MAPK10: variants seen among roughly 807,000 people sequenced by gnomAD.
MAPK10 encodes the protein JNK3 alpha protein kinase.
MAPK10 carries 25 observed loss-of-function variants against 59.3 expected under a neutral mutation model. The ratio of observed to expected loss-of-function variants is 0.42; its 90% CI spans 0.31 to 0.59. The LOEUF (loss-of-function observed/expected upper bound fraction) is 0.59. MAPK10 is among the 20% of genes least tolerant of loss of function. The pLI, the probability that MAPK10 is intolerant of heterozygous loss-of-function variation, is 0.15. For synonymous variants in MAPK10, 190 were observed against 200.5 expected, an observed-to-expected ratio of 0.95 and a Z score of 0.44; for missense variants, 351 against 568.9, an observed-to-expected ratio of 0.62 and a Z score of 3.90.
At chr4:86,088,916 A>G (rs749635450) in intron 9 of MAPK10, among the ~76,000 whole-genome samples, 3 of 152,190 alleles carry the variant, frequency 2.0e-5, no homozygotes, top group African/African-American at 4.8e-5. Flanking sequence ...TCTACAACAA[A>G]AACAAGAAAG....
At chr4:86,583,082 A>T (rs977296066) in intron 1 of MAPK10, among the ~76,000 whole-genome samples, 3 of 152,188 alleles carry the variant, frequency 2.0e-5, no homozygotes, top group Non-Finnish European at 4.4e-5. Context: ...CCCAGTGAAC[A>T]CTAACTCTGT....
intron 4 of MAPK10, among the ~76,000 whole-genome samples, chr4:86,114,420 G>A (rs1240567428): frequency 6.6e-6 from 1 of 152,134 alleles, no homozygotes; most frequent in African/African-American, 2.4e-5. Context: ...TTGTTTAACA[G>A]TATGGCCCAA....
At chr4:86,181,621 G>A (rs1359941656) in intron 3 of MAPK10, among the ~76,000 whole-genome samples, 2 of 152,058 alleles carry the variant, frequency 1.3e-5, no homozygotes, top group Non-Finnish European at 1.5e-5. Context: ...TTTCTACTTA[G>A]GAAATGGTGT....
intron 11 of MAPK10, among the ~76,000 whole-genome samples, chr4:86,046,867 G>A (rs1193468978): frequency 6.6e-6 from 1 of 151,914 alleles, no homozygotes; most frequent in Non-Finnish European, 1.5e-5. Context: ...AGGTAGTTGG[G>A]ATACAGCAGT....
chr4:86,037,668 A>G (rs1158105725), intron 11 of MAPK10, among the ~76,000 whole-genome samples: 1 of 152,210 alleles, frequency 6.6e-6, no homozygotes, highest in Non-Finnish European at 1.5e-5. Context: ...CTTTTTCAAC[A>G]GCATTATAGG....
intron 2 of MAPK10, among the ~76,000 whole-genome samples, chr4:86,286,680 C>T (rs767192218): frequency 2.6e-5 from 4 of 152,134 alleles, no homozygotes; most frequent in Non-Finnish European, 5.9e-5. Flanking sequence ...CTCCAGAGCT[C>T]CTGCCTTTAA....
At chr4:86,543,060 G>A (rs7665384) in intron 1 of MAPK10, among the ~76,000 whole-genome samples, 26 of 152,134 alleles carry the variant, frequency 1.7e-4, no homozygotes, top group African/African-American at 5.6e-4. Flanking sequence ...ACCAGTGAAA[G>A]GCAAATTTAC....
chr4:86,201,645 C>T (rs2082646896), intron 2 of MAPK10, among the ~76,000 whole-genome samples: 1 of 151,792 alleles, frequency 6.6e-6, no homozygotes, highest in Non-Finnish European at 1.5e-5. Flanking sequence ...CTTCAGCTCG[C>T]ATATTCAGCT....
At chr4:86,442,904 G>T (rs1338726637) in intron 1 of MAPK10, among the ~76,000 whole-genome samples, 1 of 152,106 alleles carries the variant, frequency 6.6e-6, no homozygotes, top group Non-Finnish European at 1.5e-5. Context: ...GAGCTTAGAA[G>T]TCAAAAACAC....
chr4:86,329,271 T>C (rs2096094915), intron 2 of MAPK10, among the ~76,000 whole-genome samples: 1 of 152,252 alleles, frequency 6.6e-6, no homozygotes, highest in South Asian at 2.1e-4. Flanking sequence ...GTACGAAATG[T>C]TGTAAACTCT....
At chr4:86,227,485 T>TTA (rs2090846123) in intron 2 of MAPK10, among the ~76,000 whole-genome samples, 1 of 114,192 alleles carries the variant, frequency 8.8e-6, no homozygotes, top group Non-Finnish European at 1.8e-5. Flanking sequence ...AGACTCCCTC[T>TTA]AAAAAAAAAA....
intron 4 of MAPK10, among the ~76,000 whole-genome samples, chr4:86,113,406 C>A (rs2057827099): frequency 6.6e-6 from 1 of 152,054 alleles, no homozygotes; most frequent in African/African-American, 2.4e-5. Flanking sequence ...CTAAGGCAGC[C>A]CTGGTGGTGA....
At chr4:86,371,567 G>A (rs1210444816) in intron 1 of MAPK10, among the ~76,000 whole-genome samples, 7 of 152,172 alleles carry the variant, frequency 4.6e-5, no homozygotes, top group Non-Finnish European at 8.8e-5. Flanking sequence ...AAAAAAATGC[G>A]AGTGAACTCA....
intron 2 of MAPK10, among the ~76,000 whole-genome samples, chr4:86,293,485 C>A (rs1447834567): frequency 1.3e-5 from 2 of 152,146 alleles, no homozygotes; most frequent in African/African-American, 2.4e-5. Flanking sequence ...GCTTATACCC[C>A]CTTGGCTTTC....
At chr4:86,569,328 G>A (rs1288031062) in intron 1 of MAPK10, among the ~76,000 whole-genome samples, 1 of 152,076 alleles carries the variant, frequency 6.6e-6, no homozygotes, top group Non-Finnish European at 1.5e-5. Context: ...CAGAGAAAAG[G>A]GAACACTTAT....
At chr4:86,403,407 T>C (rs1355581682) in intron 1 of MAPK10, among the ~76,000 whole-genome samples, 3 of 152,038 alleles carry the variant, frequency 2.0e-5, no homozygotes, top group Admixed American at 2.0e-4. Flanking sequence ...TTCCAGCTAC[T>C]CAGGAGGCTG....
chr4:86,162,885 A>G (rs938754861), intron 3 of MAPK10, among the ~76,000 whole-genome samples: 22 of 152,130 alleles, frequency 1.4e-4, no homozygotes, highest in African/African-American at 5.1e-4. Flanking sequence ...CTGGGGATGC[A>G]CACTGGAGAA....
intron 4 of MAPK10, among the ~76,000 whole-genome samples, chr4:86,117,030 C>G (rs1334721541): frequency 6.6e-6 from 1 of 152,172 alleles, no homozygotes; most frequent in Non-Finnish European, 1.5e-5. Flanking sequence ...TCAACTGTAC[C>G]ACCATCATGA....
At chr4:86,035,534 C>A in intron 11 of MAPK10, among the ~76,000 whole-genome samples, 1 of 147,500 alleles carries the variant, frequency 6.8e-6, no homozygotes. Flanking sequence ...AGCCATTGCA[C>A]GATCTATAAA....
Sources: allele counts gnomAD v4.1 joint callset (sites outside exome capture counted in the v4.1 genomes callset), GRCh38; gene constraint gnomAD v4.1.1; transcripts MANE v1.5; gene names NCBI Gene and HGNC (gene_info 2026-07-23, HGNC 2026-07-21).